SDK1: variants seen among roughly 807,000 people sequenced by gnomAD.
SDK1 encodes protein sidekick-1.
A neutral mutation model predicts 245.5 loss-of-function variants in SDK1; 157 were observed. The observed-to-expected ratio is 0.64, with a 90% confidence interval of 0.56 to 0.73. The LOEUF (loss-of-function observed/expected upper bound fraction) is 0.73. SDK1 is among the 30% of genes least tolerant of loss of function. The probability of loss-of-function intolerance (pLI) is 0.00; values close to 1 mark genes in which losing one functional copy is unlikely to be tolerated. For missense variants in SDK1, 3,583 were observed against 3,002.3 expected (o/e 1.19, Z -4.52); for synonymous variants, 1,647 against 1,278.5 (o/e 1.29, Z -6.15).
At chr7:3,749,212 C>T (rs1779708492) in intron 4 of SDK1, among the ~76,000 whole-genome samples, 3 of 152,186 alleles carry the variant, frequency 2.0e-5, no homozygotes, top group Admixed American at 2.0e-4. Context: ...TCTCTGCTCA[C>T]TGCAACCTCC....
intron 14 of SDK1, among the ~76,000 whole-genome samples, chr7:3,989,658 G>C (rs746964000): frequency 6.6e-6 from 1 of 152,138 alleles, no homozygotes; most frequent in Non-Finnish European, 1.5e-5. Context: ...AGCTCCCCGT[G>C]GGTCCCTGGT....
At chr7:3,774,214 C>CAA (rs35211488) in intron 4 of SDK1, among the ~76,000 whole-genome samples, 98 of 70,278 alleles carry the variant, frequency 1.4e-3, no homozygotes, top group African/African-American at 2.4e-3. Flanking sequence ...GACTCCATCT[C>CAA]AAAAAAAAAA....
chr7:3,673,849 A>G (rs976910406), intron 4 of SDK1, among the ~76,000 whole-genome samples: 21 of 152,236 alleles, frequency 1.4e-4, no homozygotes, highest in African/African-American at 4.8e-4. Flanking sequence ...ACTGAGTTCT[A>G]AGTACTTCTT....
At chr7:3,468,397 C>G (rs914526243) in intron 1 of SDK1, among the ~76,000 whole-genome samples, 1 of 152,192 alleles carries the variant, frequency 6.6e-6, no homozygotes, top group South Asian at 2.1e-4. Flanking sequence ...GCCCTCCTGT[C>G]TCAGTCGCAT....
intron 1 of SDK1, among the ~76,000 whole-genome samples, chr7:3,339,473 A>T (rs770759154): frequency 6.6e-6 from 1 of 152,138 alleles, no homozygotes; most frequent in Admixed American, 6.5e-5. Flanking sequence ...ACCCGAAACA[A>T]TAGAATACCC....
Position 4,178,394 on chromosome 7 carries a change from T to G in SDK1, c.4997-91T>G, listed in dbSNP as rs929066801. On this transcript the variant is annotated intron_variant, in intron 34 of 44. Transcript: ENST00000404826. ...CCCGCCTCCTCTCCTTGGAGGGTGC[T>G]CCTTGCTTCATTGTGGTTCATAGGG... is the stretch of plus-strand genomic sequence containing the variant. The G allele has an allele frequency of 3.3e-6, 3 of 910,256 alleles. No individual in the cohort carries two copies. The Admixed American group carries it at 5.3e-5, about 16-fold the overall frequency. 56.4% of individuals were successfully genotyped at this position (910,256 alleles called of 1,614,324 possible).
intron 16 of SDK1, among the ~76,000 whole-genome samples, chr7:4,013,574 A>C (rs1786154044): frequency 6.6e-6 from 1 of 152,230 alleles, no homozygotes; most frequent in South Asian, 2.1e-4. Flanking sequence ...ATCCTTGTGT[A>C]TGAAGGGCAA....
chr7:3,481,714 T>C (rs1302756226), intron 1 of SDK1, among the ~76,000 whole-genome samples: 2 of 152,366 alleles, frequency 1.3e-5, no homozygotes, highest in East Asian at 3.9e-4. Context: ...CAGCATCTAG[T>C]TTCTGCTTCC....
intron 4 of SDK1, among the ~76,000 whole-genome samples, chr7:3,656,209 C>G (rs1216478718): frequency 6.6e-6 from 1 of 152,162 alleles, no homozygotes; most frequent in African/African-American, 2.4e-5. Flanking sequence ...TTCCCTTCTC[C>G]TTTACTTCCA....
intron 1 of SDK1, among the ~76,000 whole-genome samples, chr7:3,533,634 T>C (rs1783421872): frequency 6.6e-6 from 1 of 152,156 alleles, no homozygotes; most frequent in Admixed American, 6.5e-5. Flanking sequence ...TCTGAGAAGT[T>C]TTTTTGGTAT....
chr7:3,726,531 T>G lies in SDK1; in HGVS notation c.713+84426T>G, dbSNP rs187867669. Among the ~76,000 whole-genome samples, 14 of 152,370 alleles carry G rather than the reference T, an allele frequency of 9.2e-5. 3 individuals are homozygous for G. Among genetic ancestry groups the G allele is most frequent in the African/African-American group, 3.4e-4 (14 of 41,582 alleles). On this transcript the variant is annotated intron_variant, in intron 4 of 44. Transcript: ENST00000404826. ...TGTATTTTGTTAGCACTTTCTAAAGTATTTGTTTTCATTTGGTTTTATCCA... is the reference window on the plus strand; with the variant it reads ...TGTATTTTGTTAGCACTTTCTAAAGGATTTGTTTTCATTTGGTTTTATCCA...
intron 1 of SDK1, among the ~76,000 whole-genome samples, chr7:3,504,725 C>T (rs191133338): frequency 8.6e-5 from 13 of 151,682 alleles, no homozygotes; most frequent in Admixed American, 6.6e-4. Context: ...TCTTCATTAC[C>T]TTGGGTTAGG....
At chr7:3,538,202 G>C (rs992316502) in intron 1 of SDK1, among the ~76,000 whole-genome samples, 2 of 152,108 alleles carry the variant, frequency 1.3e-5, no homozygotes, top group African/African-American at 2.4e-5. Flanking sequence ...CAATTACATT[G>C]GCCATTTGTT....
At chr7:3,384,681 C>T (rs1385023450) in intron 1 of SDK1, among the ~76,000 whole-genome samples, 3 of 152,170 alleles carry the variant, frequency 2.0e-5, no homozygotes, top group Admixed American at 6.5e-5. Context: ...TGCCACATCG[C>T]GAATTTCCAG....
chr7:4,157,820 C>T (rs1036373330), intron 30 of SDK1, among the ~76,000 whole-genome samples: 3 of 152,118 alleles, frequency 2.0e-5, no homozygotes, highest in Non-Finnish European at 2.9e-5. Context: ...CGCCTGGCAC[C>T]GTGTCAGCCC....
chr7:4,243,513 G>T (rs1455859415), intron 43 of SDK1, among the ~76,000 whole-genome samples: 1 of 152,232 alleles, frequency 6.6e-6, no homozygotes, highest in Non-Finnish European at 1.5e-5. Flanking sequence ...TGGCTGGGGA[G>T]ACCTCACAAT....
At chr7:3,334,120 C>T (rs1413272364) in intron 1 of SDK1, among the ~76,000 whole-genome samples, 1 of 152,206 alleles carries the variant, frequency 6.6e-6, no homozygotes, top group Non-Finnish European at 1.5e-5. Context: ...GAACCTAAAT[C>T]TAGAGCAGAA....
At chr7:3,619,449 T>G (rs575939556) in intron 2 of SDK1, among the ~76,000 whole-genome samples, 6 of 152,366 alleles carry the variant, frequency 3.9e-5, no homozygotes, top group Admixed American at 3.3e-4. Context: ...TATCATTATA[T>G]TTGTAAAAGT....
intron 4 of SDK1, among the ~76,000 whole-genome samples, chr7:3,736,217 TA>T (rs1216022114): frequency 1.3e-5 from 2 of 152,244 alleles, no homozygotes; most frequent in East Asian, 1.9e-4. Context: ...TATCTACTTT[TA>T]TTCTCACACT....
Sources: allele counts gnomAD v4.1 joint callset (sites outside exome capture counted in the v4.1 genomes callset), GRCh38; gene constraint gnomAD v4.1.1; transcripts MANE v1.5; gene names NCBI Gene and HGNC (gene_info 2026-07-23, HGNC 2026-07-21).